PARP10: variants seen among roughly 807,000 people sequenced by gnomAD.
PARP10 encodes the protein poly(ADP-ribose) polymerase family member 10, also known as protein mono-ADP-ribosyltransferase PARP10.
PARP10 carries 56 observed loss-of-function variants against 82.4 expected under a neutral mutation model. The observed-to-expected ratio is 0.68, with a 90% CI of 0.55 to 0.85. PARP10 has a LOEUF of 0.85. Among genes scored for constraint, PARP10 ranks in the 40% least tolerant of loss-of-function variants. PARP10 has a pLI of 0.00. For synonymous variants in PARP10, 576 were observed against 601.1 expected (o/e 0.96, Z 0.61); for missense variants, 1,227 against 1,379.4 (o/e 0.89, Z 1.75).
chr8:143,980,463 A>G (rs1554747474), intron 9 of PARP10, among the ~76,000 whole-genome samples: 1 of 150,634 alleles, frequency 6.6e-6, no homozygotes, highest in African/African-American at 2.4e-5. Flanking sequence ...TGGAGGTTGC[A>G]GTGAGCCGAG....
intron 1 of PARP10, chr8:144,012,415 G>C (rs1834295321): frequency 4.8e-6 from 5 of 1,045,010 alleles, no homozygotes; most frequent in Non-Finnish European, 4.3e-6. Flanking sequence ...CAGCCTTGCA[G>C]ACTCTGCACC....
rs1564248354 is a variant in PARP10 at position 143,981,344 on chromosome 8, A to AGGTGGTGGT, written c.2556+1587_2556+1588insACCACCACC. Among the ~76,000 whole-genome samples the AGGTGGTGGT allele has an allele frequency of 5.5e-5, 6 of 108,398 alleles. 1 individual carries two copies. The highest frequency in any genetic ancestry group is 1.9e-4 in the Admixed American group (2 of 10,758). 71.1% of individuals were successfully genotyped at this position (108,398 alleles called of 152,430 possible). A position where few individuals can be genotyped will look rare whatever the true frequency, so the allele number is the denominator to read the frequency against. Reference sequence around the variant, plus strand: ...TGGTGGTGACGACAGTGAGTGGTGAAGGTGATGGTGATGATGGTGGTGACG... The same window carrying AGGTGGTGGT: ...TGGTGGTGACGACAGTGAGTGGTGAAGGTGGTGGTGGTGATGGTGATGATGGTGGTGACG... On this transcript the variant is annotated intron_variant, in intron 9 of 10. Transcript: ENST00000313028.
chr8:143,992,945 C>A, upstream of PARP10: 1 of 975,628 alleles, frequency 1.0e-6, no homozygotes, highest in Non-Finnish European at 1.5e-6. Flanking sequence ...TGTCCCCAGG[C>A]ACAGCCTAGG....
At chr8:143,988,497 ACT>A (rs1312349854), upstream of PARP10, among the ~76,000 whole-genome samples, 1 of 146,740 alleles carries the variant, frequency 6.8e-6, no homozygotes, top group Non-Finnish European at 1.5e-5. Flanking sequence ...ACAGAGTCAC[ACT>A]CTGTTACGCA....
At chr8:143,989,323 G>T (rs1382380929), upstream of PARP10, among the ~76,000 whole-genome samples, 1 of 152,240 alleles carries the variant, frequency 6.6e-6, no homozygotes, top group African/African-American at 2.4e-5. The surrounding 1 kb of genome is among the most constrained non-coding windows in gnomAD (Gnocchi z 4.3). Context: ...TCAGCCCCTC[G>T]CAGCTTGTGA....
intron 1 of PARP10, among the ~76,000 whole-genome samples, chr8:144,003,025 A>G (rs782210270): frequency 1.3e-5 from 2 of 152,242 alleles, no homozygotes; most frequent in Non-Finnish European, 2.9e-5. Context: ...CTACAAACCA[A>G]TGCAGGACAA....
At position 143,984,284 on chromosome 8, in the gene PARP10, G is replaced by A. The variant is rs1564251617; in HGVS notation, c.1606C>T (p.Leu536=). Residue 536 remains leucine (L), a synonymous_variant, in exon 6 of 11, where the codon CTG becomes TTG. Transcript: ENST00000313028. ...AAGACACACTGGAACTGAGCCTCCA[G>A]CCCCTGGAGAAGGTGCTGCCCTTCT... The part of the protein sequence containing the change: ...GPEGQHLLQG[L]EAQFQCVFGT... 4 of 1,614,080 alleles carry A rather than the reference G, an allele frequency of 2.5e-6. No individual in the cohort carries two copies. The highest frequency in any genetic ancestry group is 1.1e-5 in the South Asian group (1 of 91,090).
upstream of PARP10, chr8:143,991,356 C>A: frequency 7.8e-7 from 1 of 1,287,552 alleles, no homozygotes; most frequent in African/African-American, 1.5e-5. Flanking sequence ...TTACCCACAG[C>A]CCCCTTTCCA....
chr8:144,000,080 G>C (rs541044480), intron 1 of PARP10, among the ~76,000 whole-genome samples: 4 of 152,264 alleles, frequency 2.6e-5, no homozygotes, highest in African/African-American at 9.6e-5. Flanking sequence ...AGAAGGTTAT[G>C]CTCATCTCAT....
chr8:143,994,944 C>T (rs557005269), upstream of PARP10, among the ~76,000 whole-genome samples: 12 of 130,956 alleles, frequency 9.2e-5, no homozygotes, highest in Middle Eastern at 3.5e-3. Context: ...CTAACGAGAA[C>T]GTCAGGGCGG....
intron 1 of PARP10, among the ~76,000 whole-genome samples, chr8:143,998,350 A>C (rs1834177461): frequency 6.6e-6 from 1 of 152,168 alleles, no homozygotes. Context: ...GCAAAACTAC[A>C]ACCCAGACTC....
rs782302956 is a variant in PARP10, at chr8:143,977,691, G to A, written c.2871C>T (p.Arg957=). ...GCAGAGGGGGCGCCCGCAGACCGCGGCGGCCCTGCCCGTAGTCGCCAGTCA... is the reference window on the plus strand; with the variant it reads ...GCAGAGGGGGCGCCCGCAGACCGCGACGGCCCTGCCCGTAGTCGCCAGTCA... The part of the protein sequence containing the change: ...RVLTGDYGQG[R]RGLRAPPLRG... Residue 957 remains arginine, a synonymous_variant, in exon 11 of 11, where the codon CGC becomes CGT. Transcript: ENST00000313028. 1.9e-6 allele frequency: 3 copies of A among 1,592,080 alleles called. No homozygotes were observed. The highest frequency in any genetic ancestry group is 2.3e-5 in the South Asian group (2 of 88,234).
upstream of PARP10, chr8:143,992,488 C>T (rs1554750711): frequency 6.2e-7 from 1 of 1,614,162 alleles, no homozygotes; most frequent in East Asian, 2.2e-5. Context: ...TCACCTCATG[C>T]ATGGGCGTGC....
chr8:144,007,377 A>G (rs1554752153), intron 1 of PARP10, among the ~76,000 whole-genome samples: 1 of 152,190 alleles, frequency 6.6e-6, no homozygotes. Context: ...TCAAAGGGAT[A>G]TTGGTTTCCT....
chr8:143,993,930 G>C (rs951636069), upstream of PARP10, among the ~76,000 whole-genome samples: 14 of 152,204 alleles, frequency 9.2e-5, no homozygotes, highest in Admixed American at 6.5e-4. Flanking sequence ...AGCCATTTGG[G>C]CCCCTTGGCC....
chr8:143,995,979 C>A (rs1475594037), upstream of PARP10, among the ~76,000 whole-genome samples: 2 of 152,166 alleles, frequency 1.3e-5, no homozygotes, highest in African/African-American at 4.8e-5. Flanking sequence ...CATTGAGATT[C>A]CCAGTTGCAG....
chr8:143,991,542 A>T, upstream of PARP10: 1 of 1,503,348 alleles, frequency 6.7e-7, no homozygotes, highest in Non-Finnish European at 9.2e-7. Context: ...ATATCCCCAG[A>T]GCCCCTTCCC....
In PARP10 at chr8:144,011,210, C is replaced by G. The variant is rs1186754456; in HGVS notation, c.-80+1320G>C. ...AACAGTGAAATAAGACCATGACAAG[C>G]TAATTTTCACATGTTGAAGGAAAGC... On this transcript the variant is annotated intron_variant, in intron 1 of 3. Coordinates refer to the PARP10 transcript ENST00000530478. This position sits in a 1 kb window ranked among gnomAD's most constrained non-coding sequence, Gnocchi z 4.5. Among the ~76,000 whole-genome samples, 1 of 152,096 alleles carries G rather than the reference C, an allele frequency of 6.6e-6. No homozygotes were observed. The highest frequency in any genetic ancestry group is 1.5e-5 in the Non-Finnish European group (1 of 68,038).
rs781795471 is a variant in PARP10 at position 143,984,416 on chromosome 8, C to T, written c.1474G>A (p.Ala492Thr). 5 of 1,609,742 alleles carry T rather than the reference C, an allele frequency of 3.1e-6. No homozygotes were observed. The highest frequency in any genetic ancestry group is 4.2e-6 in the Non-Finnish European group (5 of 1,178,994). ...MTGFRLCGAQ[A>T]SCQAAEEFLR... ...AACTCCTCAGCCGCCTGGCAGGAAG[C>T]CTGGGCTCCACAGAGCTGCAGGGCC... Residue 492 changes from alanine to threonine, a missense_variant, in exon 6 of 11, where the codon GCT becomes ACT. Ala to Thr is a moderately conservative substitution (Grantham distance 58). Transcript: ENST00000313028.
Sources: gnomAD v4.1 joint callset for allele counts (sites outside exome capture counted in the v4.1 genomes callset) on GRCh38, gnomAD v4.1.1 for gene constraint, Gnocchi (gnomAD v3.1) non-coding constraint, MANE v1.5 for transcripts, NCBI Gene and HGNC (gene_info 2026-07-23, HGNC 2026-07-21) for gene names.